WDR49: variants seen among roughly 807,000 people sequenced by gnomAD.
The protein encoded by WDR49 is WD repeat domain 49, also known as cilia- and flagella-associated protein 337.
In WDR49, 107 loss-of-function variants were observed where a neutral mutation model predicts 119.5. The observed-to-expected ratio is 0.90, with a 90% CI of 0.77 to 1.05. The LOEUF is 1.05. Among genes scored for constraint, WDR49 ranks in the 50% least tolerant of loss-of-function variants. WDR49 has a pLI of 0.00. For synonymous variants in WDR49, 425 were observed against 418.8 expected, an observed-to-expected ratio of 1.01 and a Z score of -0.18; for missense variants, 1,240 against 1,220.5, an observed-to-expected ratio of 1.02 and a Z score of -0.24.
At chr3:167,593,265 G>T (rs76268741) in intron 7 of WDR49, among the ~76,000 whole-genome samples, 5,381 of 151,938 alleles carry the variant, frequency 0.035, 209 homozygotes, top group African/African-American at 0.086. Flanking sequence ...CTGTTTTCTA[G>T]ATCTTGAAGG....
At chr3:167,656,048 T>G (rs1299641849), upstream of WDR49, among the ~76,000 whole-genome samples, 1 of 152,284 alleles carries the variant, frequency 6.6e-6, no homozygotes, top group East Asian at 1.9e-4. Context: ...AATTCCAACC[T>G]CTTGTGTTCA....
intron 18 of WDR49, among the ~76,000 whole-genome samples, chr3:167,498,865 A>G (rs1285669022): frequency 1.3e-5 from 2 of 152,098 alleles, no homozygotes; most frequent in African/African-American, 4.8e-5. Flanking sequence ...GAACTTTGAA[A>G]GGAAAAGTGG....
intron 18 of WDR49, among the ~76,000 whole-genome samples, chr3:167,486,568 T>C (rs530330549): frequency 6.6e-4 from 101 of 152,138 alleles, no homozygotes; most frequent in African/African-American, 2.3e-3. Flanking sequence ...AGTTGTCCCA[T>C]TGAAACAGAA....
chr3:167,569,290 TG>T (rs1210308964), intron 8 of WDR49, among the ~76,000 whole-genome samples: 1 of 152,220 alleles, frequency 6.6e-6, no homozygotes, highest in Non-Finnish European at 1.5e-5. Context: ...TGTATCTTTT[TG>T]TTTACATTTC....
chr3:167,555,619 C>T (rs541494829), intron 9 of WDR49, among the ~76,000 whole-genome samples: 1 of 152,204 alleles, frequency 6.6e-6, no homozygotes, highest in African/African-American at 2.4e-5. Context: ...TCCAAGTAGA[C>T]AGTGTCAGAA....
intron 10 of WDR49, among the ~76,000 whole-genome samples, chr3:167,539,932 T>C (rs776228829): frequency 1.1e-4 from 17 of 152,172 alleles, no homozygotes; most frequent in Non-Finnish European, 2.1e-4. Context: ...ACGATAGGCA[T>C]TTAACAAATA....
chr3:167,615,351 G>T (rs760231155), intron 5 of WDR49, among the ~76,000 whole-genome samples: 1 of 151,062 alleles, frequency 6.6e-6, no homozygotes, highest in Non-Finnish European at 1.5e-5. Flanking sequence ...GCTCAGGCTG[G>T]TCTCAAACTC....
chr3:167,531,386 C>T (rs1752849667), intron 12 of WDR49, 107 bp from the exon 13 acceptor site: 3 of 1,206,888 alleles, frequency 2.5e-6, no homozygotes, highest in Non-Finnish European at 3.5e-6. Flanking sequence ...CCATTGACTC[C>T]AAGTCTCACA....
chr3:167,543,527 TA>T (rs1348301312), intron 10 of WDR49, among the ~76,000 whole-genome samples: 1 of 151,800 alleles, frequency 6.6e-6, no homozygotes, highest in Non-Finnish European at 1.5e-5. Context: ...TAAACAGAAT[TA>T]AAAATAAATA....
intron 5 of WDR49, among the ~76,000 whole-genome samples, chr3:167,606,473 T>C (rs918693129): frequency 6.6e-6 from 1 of 152,230 alleles, no homozygotes. Context: ...ACATCCTTTG[T>C]GTTAGTCAAT....
At chr3:167,496,916 C>G (rs895029740) in intron 18 of WDR49, among the ~76,000 whole-genome samples, 1 of 147,490 alleles carries the variant, frequency 6.8e-6, no homozygotes, top group African/African-American at 2.6e-5. Context: ...CCTCTACTAA[C>G]GAGAGGTAAA....
At chr3:167,529,708 G>A (rs992589876) in intron 13 of WDR49, among the ~76,000 whole-genome samples, 19 of 152,044 alleles carry the variant, frequency 1.2e-4, no homozygotes, top group Non-Finnish European at 1.6e-4. Context: ...TGACTTCTCC[G>A]TTTGGCAGCA....
At chr3:167,574,180 C>T (rs1714106200) in intron 8 of WDR49, among the ~76,000 whole-genome samples, 1 of 152,152 alleles carries the variant, frequency 6.6e-6, no homozygotes, top group African/African-American at 2.4e-5. Context: ...ATGGTTAGGA[C>T]CCAGATTTTC....
chr3:167,567,382 T>G (rs948102755), intron 8 of WDR49, among the ~76,000 whole-genome samples: 2 of 152,222 alleles, frequency 1.3e-5, no homozygotes, highest in South Asian at 2.1e-4. Flanking sequence ...CCTTCACCTC[T>G]TCCCCATTCC....
At chr3:167,549,367 T>G (rs891281313) in intron 10 of WDR49, among the ~76,000 whole-genome samples, 1 of 152,196 alleles carries the variant, frequency 6.6e-6, no homozygotes, top group African/African-American at 2.4e-5. Context: ...GTTTCCTGAC[T>G]TTTTAACGAT....
chr3:167,598,138 T>C (rs1310211235), intron 7 of WDR49, among the ~76,000 whole-genome samples: 2 of 151,818 alleles, frequency 1.3e-5, no homozygotes, highest in Non-Finnish European at 2.9e-5. Context: ...ACCCTGTCTT[T>C]ACTGAAAACT....
rs191592435 is a variant in WDR49, at chr3:167,546,564, C to T, written c.1823+8086G>A. ...CATTACACACTCCACATTTGCCACC[C>T]TGAGAGTATCACAACTACTGCTACT... On this transcript the variant is annotated intron_variant, in intron 10 of 18. Coordinates refer to ENST00000682715, the MANE Select transcript of WDR49 (RefSeq NM_001366157.1). 2.5e-3 allele frequency among the ~76,000 whole-genome samples: 380 copies of T among 151,748 alleles called. 1 individual carries two copies. Among genetic ancestry groups the T allele is most frequent in the Middle Eastern group, 3.4e-3 (1 of 294 alleles).
intron 10 of WDR49, among the ~76,000 whole-genome samples, chr3:167,553,378 G>A (rs998135150): frequency 6.6e-6 from 1 of 151,892 alleles, no homozygotes; most frequent in African/African-American, 2.4e-5. Flanking sequence ...TAGAATAATA[G>A]ATGTTCCTTT....
intron 8 of WDR49, among the ~76,000 whole-genome samples, chr3:167,561,336 A>G (rs1713260711): frequency 6.6e-6 from 1 of 152,148 alleles, no homozygotes. Flanking sequence ...CTACACCTGT[A>G]CATTAAAACC....
Sources: allele counts gnomAD v4.1 joint callset (sites outside exome capture counted in the v4.1 genomes callset), GRCh38; gene constraint gnomAD v4.1.1; transcripts MANE v1.5; gene names NCBI Gene and HGNC (gene_info 2026-07-23, HGNC 2026-07-21).